Variants in DAB1 observed in about 807,000 individuals in gnomAD.
DAB1 encodes the protein DAB adaptor protein 1, also known as disabled homolog 1.
A neutral mutation model predicts 64.6 loss-of-function variants in DAB1; 15 were observed. The observed-to-expected ratio is 0.23, with a 90% CI of 0.16 to 0.36. The LOEUF is 0.36. Ranked by LOEUF, DAB1 falls within the 10% of genes least tolerant of loss-of-function variation. DAB1 has a pLI of 1.00. For missense variants in DAB1, 596 were observed against 706.7 expected (o/e 0.84, Z 1.78); for synonymous variants, 235 against 251.9 (o/e 0.93, Z 0.64).
At chr1:58,341,432 T>C (rs1643932597) in intron 4 of DAB1, among the ~76,000 whole-genome samples, 1 of 152,134 alleles carries the variant, frequency 6.6e-6, no homozygotes, top group African/African-American at 2.4e-5. Context: ...ACTCTACCAC[T>C]TATGATAGTG....
intron 7 of DAB1, among the ~76,000 whole-genome samples, chr1:57,523,372 T>G (rs910931280): frequency 6.6e-6 from 1 of 152,200 alleles, no homozygotes; most frequent in African/African-American, 2.4e-5. Flanking sequence ...TATTTGTTGA[T>G]AAGCTTCTCT....
At chr1:57,600,270 A>G (rs957490611) in intron 7 of DAB1, among the ~76,000 whole-genome samples, 2 of 152,210 alleles carry the variant, frequency 1.3e-5, no homozygotes, top group African/African-American at 4.8e-5. Flanking sequence ...GGCTTGGTAC[A>G]GAGTAGGAAC....
chr1:57,928,852 A>G (rs1388164280), intron 5 of DAB1, among the ~76,000 whole-genome samples: 1 of 152,170 alleles, frequency 6.6e-6, no homozygotes, highest in Non-Finnish European at 1.5e-5. Flanking sequence ...TCATTCACCA[A>G]CTGAAGGACA....
rs1176756810 is a variant in DAB1, at chr1:58,509,421, AC to A, written n.108-3213del. Among the ~76,000 whole-genome samples the A allele has an allele frequency of 9.2e-5, 14 of 151,520 alleles. No homozygotes were observed. In the South Asian group the frequency reaches 1.5e-3, roughly 16 times the overall value. ...CAGCCTATGGGTCAAGGAAAAAAAAACCAAAAAGAAAATGATTTTGAGACAA... is the reference window on the plus strand; with the variant it reads ...CAGCCTATGGGTCAAGGAAAAAAAAACAAAAAGAAAATGATTTTGAGACAA... On this transcript the variant is annotated intron_variant and non_coding_transcript_variant, in intron 2 of 20. Coordinates refer to the DAB1 transcript ENST00000485760.
At position 58,216,972 on chromosome 1, in the gene DAB1, C is replaced by T. The variant is rs17117123; in HGVS notation, n.310-66384G>A. Among the ~76,000 whole-genome samples the T allele has an allele frequency of 9.0e-3, 1,373 of 152,264 alleles. 41 individuals carry two copies. The highest frequency in any genetic ancestry group is 0.066 in the East Asian group (340 of 5,186). On this transcript the variant is annotated intron_variant and non_coding_transcript_variant, in intron 4 of 20. Transcript: ENST00000485760. The stretch of plus-strand genomic sequence containing the variant: ...GCTTTTCTTCCTACACAACACAAAG[C>T]GGGCTGAATTCATATGGATGCTTTC...
chr1:57,208,227 A>T (rs1665745233), intron 2 of DAB1, among the ~76,000 whole-genome samples: 1 of 150,586 alleles, frequency 6.6e-6, no homozygotes, highest in Non-Finnish European at 1.5e-5. Flanking sequence ...GTATTTATAC[A>T]CTAATTTCTA....
chr1:57,673,146 G>T (rs1000535623), intron 6 of DAB1, among the ~76,000 whole-genome samples: 1 of 152,092 alleles, frequency 6.6e-6, no homozygotes, highest in Non-Finnish European at 1.5e-5. Flanking sequence ...TCCACTTCCT[G>T]GTTCATAGAT....
intron 1 of DAB1, among the ~76,000 whole-genome samples, chr1:57,325,242 T>C (rs559504498): frequency 2.3e-3 from 347 of 152,306 alleles, no homozygotes; most frequent in African/African-American, 7.8e-3. Flanking sequence ...TCTGTACACA[T>C]TTCTGAGCTC....
chr1:57,994,365 G>A (rs941030957), intron 5 of DAB1, among the ~76,000 whole-genome samples: 1 of 152,170 alleles, frequency 6.6e-6, no homozygotes, highest in African/African-American at 2.4e-5. Context: ...GGAAGAGCAT[G>A]GCATCTGCAA....
chr1:57,289,622 A>C (rs1452354574), intron 2 of DAB1, among the ~76,000 whole-genome samples: 2 of 152,336 alleles, frequency 1.3e-5, no homozygotes, highest in Non-Finnish European at 2.9e-5. Flanking sequence ...TATGTATTAC[A>C]GTTATGTCCC....
At chr1:57,889,173 G>A (rs746690107) in intron 5 of DAB1, among the ~76,000 whole-genome samples, 6 of 152,188 alleles carry the variant, frequency 3.9e-5, no homozygotes, top group South Asian at 4.1e-4. Context: ...AGTGCCTGTC[G>A]TAAAGTAGGC....
intron 3 of DAB1, among the ~76,000 whole-genome samples, chr1:58,372,600 G>T (rs975336097): frequency 6.6e-6 from 1 of 152,160 alleles, no homozygotes; most frequent in East Asian, 1.9e-4. Context: ...GCCAGGAGAA[G>T]AATAATATGG....
chr1:57,393,797 T>G (rs1682587901), intron 1 of DAB1, among the ~76,000 whole-genome samples: 1 of 152,208 alleles, frequency 6.6e-6, no homozygotes, highest in Admixed American at 6.5e-5. Context: ...TGGCTACTTT[T>G]GAGCTACAAC....
At chr1:57,693,244 A>G (rs1461187444) in intron 6 of DAB1, among the ~76,000 whole-genome samples, 1 of 152,144 alleles carries the variant, frequency 6.6e-6, no homozygotes, top group South Asian at 2.1e-4. Flanking sequence ...TCATCGCCCA[A>G]TTCCCAACAG....
At chr1:58,421,247 G>A (rs880006) in intron 3 of DAB1, among the ~76,000 whole-genome samples, 8 of 152,094 alleles carry the variant, frequency 5.3e-5, no homozygotes, top group Admixed American at 1.3e-4. Flanking sequence ...GGACAGGCAC[G>A]AGCAACATGA....
chr1:57,914,932 A>G (rs766962850), intron 5 of DAB1, among the ~76,000 whole-genome samples: 4 of 152,232 alleles, frequency 2.6e-5, no homozygotes, highest in Non-Finnish European at 5.9e-5. Context: ...AACTCTTAGG[A>G]ATCCCTGGTC....
intron 7 of DAB1, among the ~76,000 whole-genome samples, chr1:57,532,769 C>T (rs1050090268): frequency 6.6e-6 from 1 of 152,134 alleles, no homozygotes; most frequent in Non-Finnish European, 1.5e-5. Flanking sequence ...GGGCAGTCCA[C>T]CTTGTAGAAT....
intron 4 of DAB1, among the ~76,000 whole-genome samples, chr1:58,222,232 G>C (rs905604214): frequency 6.6e-6 from 1 of 151,986 alleles, no homozygotes; most frequent in African/African-American, 2.4e-5. Context: ...ACATACCTTG[G>C]GCAAGAGTGT....
At chr1:58,424,121 G>A (rs753447604) in intron 3 of DAB1, among the ~76,000 whole-genome samples, 12 of 152,300 alleles carry the variant, frequency 7.9e-5, no homozygotes, top group Non-Finnish European at 1.3e-4. Context: ...TTAGTTCCAA[G>A]CTGATGGCCA....
Sources: allele counts gnomAD v4.1 joint callset (sites outside exome capture counted in the v4.1 genomes callset), GRCh38; gene constraint gnomAD v4.1.1; transcripts MANE v1.5; gene names NCBI Gene and HGNC (gene_info 2026-07-23, HGNC 2026-07-21).